The following HDDC2 variants were observed in gnomAD, a reference collection of about 807,000 sequenced individuals.
The protein encoded by HDDC2 is HD domain containing 2.
A neutral mutation model predicts 25.5 loss-of-function variants in HDDC2; 25 were observed. The observed-to-expected ratio is 0.98, with a 90% CI of 0.72 to 1.37. HDDC2 has a LOEUF of 1.37. HDDC2 is among the 40% of genes most tolerant of loss of function. The pLI is 0.00. For missense variants in HDDC2, 264 were observed against 253.1 expected (o/e 1.04, Z -0.29); for synonymous variants, 106 against 89.7 (o/e 1.18, Z -1.03).
chr6:125,282,424 A>G (rs1798472927), intron 4 of HDDC2, among the ~76,000 whole-genome samples: 1 of 152,182 alleles, frequency 6.6e-6, no homozygotes, highest in Admixed American at 6.5e-5. Flanking sequence ...TAAGCTTCAT[A>G]AGTGAAGGAG....
At chr6:125,289,647 T>C (rs58317097) in intron 4 of HDDC2, among the ~76,000 whole-genome samples, 32,853 of 152,062 alleles carry the variant, frequency 0.22, 4,317 homozygotes, top group African/African-American at 0.37. Context: ...CCTCCAGGGT[T>C]CTGGGGTCCT....
At chr6:125,294,514 T>C (rs778648361) in intron 3 of HDDC2, among the ~76,000 whole-genome samples, 1 of 152,232 alleles carries the variant, frequency 6.6e-6, no homozygotes, top group Admixed American at 6.5e-5. Flanking sequence ...AGAAAATACT[T>C]TATATTTTCA....
At chr6:125,296,051 T>G (rs1798701856) in intron 3 of HDDC2, among the ~76,000 whole-genome samples, 1 of 152,030 alleles carries the variant, frequency 6.6e-6, no homozygotes, top group African/African-American at 2.4e-5. Context: ...TCCAGGTTTA[T>G]CAAGTATAGT....
intron 4 of HDDC2, among the ~76,000 whole-genome samples, chr6:125,281,696 G>A (rs1026078101): frequency 1.3e-5 from 2 of 152,024 alleles, no homozygotes; most frequent in African/African-American, 4.8e-5. Flanking sequence ...AAGAAATATG[G>A]GACTATGTGA....
chr6:125,276,665 C>A (rs1183375973), intron 5 of HDDC2: 3 of 239,382 alleles, frequency 1.3e-5, no homozygotes, highest in African/African-American at 4.5e-5. Context: ...ATCAGAGGGG[C>A]TAGGCTGGCT....
intron 5 of HDDC2, chr6:125,276,556 T>A (rs1470542501): frequency 5.7e-6 from 2 of 349,002 alleles, no homozygotes; most frequent in Non-Finnish European, 1.0e-5. Flanking sequence ...AAAACTCAGG[T>A]GTGAGAGCCC....
intron 3 of HDDC2, 198 bp from the exon 4 acceptor site, chr6:125,293,107 T>A (rs1798655789): frequency 1.5e-6 from 1 of 663,030 alleles, no homozygotes; most frequent in African/African-American, 1.8e-5. Flanking sequence ...AGTGTAATCA[T>A]TCATATGGGC....
At position 125,277,137 on chromosome 6, in the gene HDDC2, G is replaced by A. The variant is rs909966219; in HGVS notation, c.482C>T (p.Pro161Leu). ...ASEYEDLEHK[P>L]GRLQDFYDST... ...ATCATAGAAGTCTTGCAGTCTCCCA[G>A]GTTTGTGTTCAAGGTCTTCATATTC... Residue 161 changes from proline to leucine, a missense_variant, in exon 5 of 6, where the codon CCT becomes CTT. By Grantham distance (98) the Pro-to-Leu change is moderately conservative. Transcript: ENST00000398153. 3 of 1,613,946 alleles carry A rather than the reference G, an allele frequency of 1.9e-6. No homozygotes were observed. Among genetic ancestry groups the A allele is most frequent in the African/African-American group, 1.3e-5 (1 of 74,912 alleles).
intron 4 of HDDC2, among the ~76,000 whole-genome samples, chr6:125,290,207 A>G (rs1798609693): frequency 6.6e-6 from 1 of 152,220 alleles, no homozygotes; most frequent in Non-Finnish European, 1.5e-5. Flanking sequence ...GACTGGAGAC[A>G]GAGAAAAATA....
chr6:125,282,640 G>A (rs1304563305), intron 4 of HDDC2, among the ~76,000 whole-genome samples: 2 of 152,168 alleles, frequency 1.3e-5, no homozygotes, highest in East Asian at 1.9e-4. Flanking sequence ...GCATCATAAT[G>A]ACAGGATCAA....
At chr6:125,291,028 A>C (rs890845099) in intron 4 of HDDC2, among the ~76,000 whole-genome samples, 2 of 152,220 alleles carry the variant, frequency 1.3e-5, no homozygotes, top group African/African-American at 4.8e-5. Flanking sequence ...AAAGGTACAA[A>C]CTATTGTAGA....
chr6:125,291,245 G>A (rs1410719050), intron 4 of HDDC2, among the ~76,000 whole-genome samples: 1 of 152,076 alleles, frequency 6.6e-6, no homozygotes, highest in Non-Finnish European at 1.5e-5. Flanking sequence ...GTAGTAACAG[G>A]TACTGTCTGA....
chr6:125,281,797 C>T (rs539135585), intron 4 of HDDC2, among the ~76,000 whole-genome samples: 1 of 152,272 alleles, frequency 6.6e-6, no homozygotes, highest in South Asian at 2.1e-4. Context: ...TCCAGGAGAA[C>T]TTCCCCAACC....
chr6:125,276,427 G>T lies in HDDC2; in HGVS notation c.518-184C>A, dbSNP rs572926913. ...CTGAAGGGGACCACTTGGCATTTAC[G>T]CTCTGTCACCCCAGGTGCAACTGAG... On this transcript the variant is annotated intron_variant, in intron 5 of 5. Coordinates refer to ENST00000398153, the MANE Select transcript of HDDC2 (RefSeq NM_016063.3). The T allele has an allele frequency of 9.1e-5, 53 of 581,946 alleles. No homozygotes were observed. In the African/African-American group the frequency reaches 9.4e-4, roughly 10 times the overall value. The allele number at this position is 581,946 out of a possible 1,614,324, so 36.0% of individuals were successfully genotyped here.
At chr6:125,298,657 T>TACA in intron 3 of HDDC2, 57 bp downstream of exon 3, 1 of 1,292,316 alleles carries the variant, frequency 7.7e-7, no homozygotes. Context: ...AACTTAGCTT[T>TACA]GCTTCAGCAA....
chr6:125,301,790 T>G, intron 1 of HDDC2, 59 bp downstream of exon 1: 1 of 1,302,956 alleles, frequency 7.7e-7, no homozygotes, highest in Non-Finnish European at 1.1e-6. Context: ...GGCCGGAAGC[T>G]CCGCCGCCCC....
intron 3 of HDDC2, among the ~76,000 whole-genome samples, chr6:125,294,168 G>A (rs914503537): frequency 6.6e-6 from 1 of 152,082 alleles, no homozygotes; most frequent in Non-Finnish European, 1.5e-5. Flanking sequence ...CTCTTTGAAC[G>A]GAATATGGCT....
rs993354202 is a variant in HDDC2, at chr6:125,276,947, T to C, written c.517+155A>G. 3 of 706,102 alleles carry C rather than the reference T, an allele frequency of 4.2e-6. No individual in the cohort carries two copies. The African/African-American group carries it at 5.4e-5, about 13-fold the overall frequency. The allele number at this position is 706,102 out of a possible 1,614,324, so 43.7% of individuals were successfully genotyped here. A position where few individuals can be genotyped will look rare whatever the true frequency, so the allele number is the denominator to read the frequency against. ...TTCCATTTATTTCCTATCCTCAGCC[T>C]CTTACCCGAATGTTTCCTTCCCTTT... is the stretch of plus-strand genomic sequence containing the variant. On this transcript the variant is annotated intron_variant, in intron 5 of 5. Coordinates refer to ENST00000398153, the MANE Select transcript of HDDC2 (RefSeq NM_016063.3).
chr6:125,297,676 T>C (rs112167536), intron 3 of HDDC2: 1 of 396,894 alleles, frequency 2.5e-6, no homozygotes, highest in African/African-American at 2.1e-5. Context: ...TGTTAAACCA[T>C]CTCAATAAAG....
Sources: allele counts gnomAD v4.1 joint callset (sites outside exome capture counted in the v4.1 genomes callset), GRCh38; gene constraint gnomAD v4.1.1; transcripts MANE v1.5; gene names NCBI Gene and HGNC (gene_info 2026-07-23, HGNC 2026-07-21).